Variants in DYTN observed in about 807,000 individuals in gnomAD.
The protein encoded by DYTN is dystrotelin.
In DYTN, 75 loss-of-function variants were observed where a neutral mutation model predicts 69.6. The ratio of observed to expected loss-of-function variants is 1.08; its 90% CI spans 0.89 to 1.31. The LOEUF is 1.31. Among genes scored for constraint, DYTN ranks in the 50% most tolerant of loss-of-function variants. The pLI, the probability that DYTN is intolerant of heterozygous loss-of-function variation, is 0.00. For synonymous variants in DYTN, 252 were observed against 249.1 expected, an observed-to-expected ratio of 1.01 and a Z score of -0.11; for missense variants, 726 against 688.4, an observed-to-expected ratio of 1.05 and a Z score of -0.61.
chr2:206,662,764 G>T, intron 11 of DYTN, 139 bp downstream of exon 11: 1 of 1,301,020 alleles, frequency 7.7e-7, no homozygotes, highest in Admixed American at 2.3e-5. Context: ...GTTCAGAGAT[G>T]CTACTGATAA....
chr2:206,700,046 A>C, intron 6 of DYTN, 99 bp downstream of exon 6: 3 of 1,560,198 alleles, frequency 1.9e-6, no homozygotes, highest in Non-Finnish European at 2.6e-6. Context: ...CTGAGATGCT[A>C]TGTGGAGTAA....
At position 206,651,748 on chromosome 2, in the gene DYTN, A is replaced by ACCT; in HGVS notation, c.*69_*70insAGG. The ACCT allele has an allele frequency of 7.2e-7, 1 of 1,390,206 alleles. No homozygotes were observed. Among genetic ancestry groups the ACCT allele is most frequent in the Non-Finnish European group, 1.0e-6 (1 of 989,836 alleles). The allele number at this position is 1,390,206 out of a possible 1,614,324, so 86.1% of individuals were successfully genotyped here. ...TATTAAAAGAAAGGTAGAAGTCTTA[A>ACCT]TTCTTTTAATACAGTTGTGCAACTG... On this transcript the variant is annotated 3_prime_UTR_variant, in exon 12 of 12. Transcript: ENST00000452335.
intron 9 of DYTN, among the ~76,000 whole-genome samples, chr2:206,685,938 A>C (rs538120547): frequency 1.3e-5 from 2 of 151,624 alleles, no homozygotes; most frequent in African/African-American, 4.9e-5. Context: ...AAAAATGTTG[A>C]AGTTATATTG....
chr2:206,673,372 C>T (rs11901906), intron 9 of DYTN, among the ~76,000 whole-genome samples: 1,741 of 152,264 alleles, frequency 0.011, 43 homozygotes, highest in African/African-American at 0.04. Context: ...ATTCTCCTGC[C>T]TCAGCCCCTC....
chr2:206,717,953 T>A (rs1700144184), intron 1 of DYTN, among the ~76,000 whole-genome samples: 1 of 152,184 alleles, frequency 6.6e-6, no homozygotes. Flanking sequence ...AAACTATGAA[T>A]ATACATAAAA....
chr2:206,706,480 G>T, intron 3 of DYTN, among the ~76,000 whole-genome samples: 1 of 143,892 alleles, frequency 6.9e-6, no homozygotes, highest in Non-Finnish European at 1.5e-5. Flanking sequence ...TATTGTTTGG[G>T]CAGTTAAAAA....
intron 9 of DYTN, among the ~76,000 whole-genome samples, chr2:206,666,405 A>G (rs992449520): frequency 6.6e-6 from 1 of 152,172 alleles, no homozygotes; most frequent in Non-Finnish European, 1.5e-5. Flanking sequence ...CTTTGTGTGT[A>G]TTATGGATAT....
At chr2:206,685,143 CTTATTTAT>C (rs10673463) in intron 9 of DYTN, among the ~76,000 whole-genome samples, 13,867 of 145,728 alleles carry the variant, frequency 0.095, 2,120 homozygotes, top group African/African-American at 0.33. Context: ...AGTAGCATGG[CTTATTTAT>C]TTATTTATTT....
intron 11 of DYTN, among the ~76,000 whole-genome samples, chr2:206,661,204 C>T (rs1459472583): frequency 6.6e-6 from 1 of 152,140 alleles, no homozygotes; most frequent in African/African-American, 2.4e-5. Flanking sequence ...GGACTTCTGG[C>T]CTCCAGGACT....
Position 206,705,840 on chromosome 2 carries a change from C to T in DYTN, c.330G>A (p.Ala110=), listed in dbSNP as rs575918931. 233 of 1,613,706 alleles carry T rather than the reference C, an allele frequency of 1.4e-4. 1 individual carries two copies. The Middle Eastern group carries it at 1.8e-3, about 13-fold the overall frequency. The change falls in exon 4 of 12, where the codon GCG becomes GCA. Residue 110 remains alanine (A), a synonymous_variant. Coordinates refer to ENST00000452335, the MANE Select transcript of DYTN (RefSeq NM_001093730.1). ...KGTGFLQLMP[A]AAALITLSGD... ...CTGAGAGGGTTATTAGGGCAGCGGC[C>T]GCAGGCATAAGCTGGAGAAAACCTG...
At chr2:206,709,534 G>C (rs997745866) in intron 2 of DYTN, among the ~76,000 whole-genome samples, 1 of 152,036 alleles carries the variant, frequency 6.6e-6, no homozygotes, top group African/African-American at 2.4e-5. Context: ...TTCCTGCTGA[G>C]GATGTGGTCT....
At chr2:206,676,771 G>C (rs941708992) in intron 9 of DYTN, among the ~76,000 whole-genome samples, 1 of 152,112 alleles carries the variant, frequency 6.6e-6, no homozygotes, top group Non-Finnish European at 1.5e-5. Flanking sequence ...ATTAGATCTT[G>C]TAGTGTTCTT....
intron 1 of DYTN, among the ~76,000 whole-genome samples, chr2:206,714,411 C>A (rs1209376408): frequency 2.0e-5 from 3 of 152,124 alleles, no homozygotes; most frequent in Non-Finnish European, 2.9e-5. Flanking sequence ...ACCGTGTTAG[C>A]CAGGATGGTC....
At chr2:206,712,401 G>T (rs1469405406) in intron 1 of DYTN, among the ~76,000 whole-genome samples, 1 of 152,182 alleles carries the variant, frequency 6.6e-6, no homozygotes, top group Non-Finnish European at 1.5e-5. Context: ...AAATCAAACT[G>T]CAGAGGATGG....
chr2:206,700,298 C>A, intron 5 of DYTN, 82 bp from the exon 6 acceptor site: 2 of 1,474,394 alleles, frequency 1.4e-6, no homozygotes, highest in South Asian at 1.1e-5. Context: ...AGAGCTGGTG[C>A]CCACGGCTGT....
At chr2:206,685,142 G>T (rs962865297) in intron 9 of DYTN, among the ~76,000 whole-genome samples, 1 of 101,708 alleles carries the variant, frequency 9.8e-6, no homozygotes, top group African/African-American at 3.7e-5. Context: ...AAGTAGCATG[G>T]CTTATTTATT....
intron 11 of DYTN, among the ~76,000 whole-genome samples, chr2:206,655,336 C>A (rs1699435561): frequency 6.6e-6 from 1 of 150,442 alleles, no homozygotes; most frequent in Non-Finnish European, 1.5e-5. Context: ...ACTTTGAACT[C>A]CTGGGCTCAA....
chr2:206,679,364 T>C (rs757077424), intron 9 of DYTN, among the ~76,000 whole-genome samples: 1 of 152,152 alleles, frequency 6.6e-6, no homozygotes, highest in Non-Finnish European at 1.5e-5. Flanking sequence ...AAGTAGCCAA[T>C]AATAGAAATA....
chr2:206,696,288 C>T (rs1280941828), intron 7 of DYTN, among the ~76,000 whole-genome samples: 1 of 152,074 alleles, frequency 6.6e-6, no homozygotes, highest in Non-Finnish European at 1.5e-5. Context: ...TGCTAACTGC[C>T]CTGAATAACA....
Sources: gnomAD v4.1 joint callset for allele counts (sites outside exome capture counted in the v4.1 genomes callset) on GRCh38, gnomAD v4.1.1 for gene constraint, MANE v1.5 for transcripts, NCBI Gene and HGNC (gene_info 2026-07-23, HGNC 2026-07-21) for gene names.